LAMP5: variants seen among roughly 807,000 people sequenced by gnomAD.
The protein encoded by LAMP5 is lysosome-associated membrane glycoprotein 5.
Under a neutral mutation model 30.2 loss-of-function variants are expected in LAMP5, and 36 were observed. That is an observed-to-expected ratio of 1.19 (90% CI 0.91 to 1.57). The LOEUF (loss-of-function observed/expected upper bound fraction) is 1.57. Among genes scored for constraint, LAMP5 ranks in the 40% most tolerant of loss-of-function variants. The pLI, the probability that LAMP5 is intolerant of heterozygous loss-of-function variation, is 0.00. For missense variants in LAMP5, 377 were observed against 354.9 expected, an observed-to-expected ratio of 1.06 and a Z score of -0.50; for synonymous variants, 149 against 134.6, an observed-to-expected ratio of 1.11 and a Z score of -0.74.
rs1457610839 is a variant in LAMP5, at chr20:9,515,484, A to G, written c.96A>G (p.Glu32=). 2 of 1,614,170 alleles carry G rather than the reference A, an allele frequency of 1.2e-6. No homozygotes were observed. Among genetic ancestry groups the G allele is most frequent in the Non-Finnish European group, 1.7e-6 (2 of 1,180,016 alleles). The change falls in exon 2 of 6, where the codon GAA becomes GAG. Residue 32 remains glutamate (E), a synonymous_variant. Coordinates refer to ENST00000246070, the MANE Select transcript of LAMP5 (RefSeq NM_012261.4). Reference sequence around the variant, plus strand: ...TGGCTCAAATCATGGCAGAACAAGAAGTGGAAAATCTCTCAGGCCTTTCCA... The same window carrying G: ...TGGCTCAAATCATGGCAGAACAAGAGGTGGAAAATCTCTCAGGCCTTTCCA... ...HTMAQIMAEQ[E]VENLSGLSTN...
At chr20:9,527,804 T>C (rs370373045) in intron 5 of LAMP5, among the ~76,000 whole-genome samples, 6 of 152,224 alleles carry the variant, frequency 3.9e-5, no homozygotes, top group African/African-American at 1.4e-4. Flanking sequence ...GGTGGTTCTA[T>C]GTAAAAAAAT....
rs142852865 is a variant in LAMP5 at position 9,514,896 on chromosome 20, G to C, written c.44G>C (p.Arg15Pro). 3.1e-6 allele frequency: 5 copies of C among 1,614,080 alleles called. No individual in the cohort carries two copies. The African/African-American group carries it at 6.7e-5, about 22-fold the overall frequency. The change falls in exon 1 of 6, where the codon CGA (arginine) becomes CCA (proline). Residue 15 changes from arginine (R) to proline (P), a missense_variant. By Grantham distance (103) the Arg-to-Pro change is moderately radical (BLOSUM62 -2). Transcript: ENST00000246070. Reference protein sequence around the residue: ...GRGVPSIDRLRVLLMLFHTMA... With the variant: ...GRGVPSIDRLPVLLMLFHTMA... ...GGGGTCCCCAGCATCGACAGACTTC[G>C]AGTTCTCCTGATGTTGTTCCGTGAG...
chr20:9,518,377 A>G (rs574798379), intron 5 of LAMP5, 149 bp downstream of exon 5: 8 of 663,896 alleles, frequency 1.2e-5, no homozygotes, highest in Non-Finnish European at 2.0e-5. Context: ...TTCAAAGACT[A>G]AAAAAGCAGT....
intron 3 of LAMP5, 46 bp downstream of exon 3, chr20:9,516,177 G>A: frequency 6.3e-7 from 1 of 1,597,654 alleles, no homozygotes; most frequent in Non-Finnish European, 8.5e-7. Flanking sequence ...CTCCGCGTGG[G>A]TGTGGGAAGT....
At chr20:9,515,400 G>A in intron 1 of LAMP5, 53 bp from the exon 2 acceptor site, 3 of 1,552,936 alleles carry the variant, frequency 1.9e-6, no homozygotes, top group South Asian at 1.2e-5. Flanking sequence ...CCTAGCGCCC[G>A]AGACGCGTGG....
At chr20:9,524,854 C>A (rs1385835714) in intron 5 of LAMP5, among the ~76,000 whole-genome samples, 3 of 152,152 alleles carry the variant, frequency 2.0e-5, no homozygotes. Context: ...TCAGGTTTTG[C>A]TGCCAAACAA....
chr20:9,526,848 A>G (rs956569094), intron 5 of LAMP5, among the ~76,000 whole-genome samples: 24 of 108,336 alleles, frequency 2.2e-4, no homozygotes, highest in South Asian at 6.2e-4. Context: ...ACATATACAT[A>G]TGTGTGTGTG....
chr20:9,525,301 G>A lies in LAMP5; in HGVS notation c.665-4341G>A, dbSNP rs141209272. ...AAAGAAGTACACAGAAGACTTAAAT[G>A]TATAAGACTTCTATCTTTATAGTGA... On this transcript the variant is annotated intron_variant, in intron 5 of 5. Transcript: ENST00000246070. Among the ~76,000 whole-genome samples, 992 of 152,296 alleles carry A rather than the reference G, an allele frequency of 6.5e-3. 6 individuals carry two copies. The highest frequency in any genetic ancestry group is 0.023 in the African/African-American group (938 of 41,564).
chr20:9,520,756 C>A (rs1316181254), intron 5 of LAMP5, among the ~76,000 whole-genome samples: 1 of 152,118 alleles, frequency 6.6e-6, no homozygotes, highest in Non-Finnish European at 1.5e-5. Flanking sequence ...AAGGTAGTGT[C>A]CACGAAGTCG....
At chr20:9,528,501 A>C (rs1187667333) in intron 5 of LAMP5, among the ~76,000 whole-genome samples, 5 of 152,216 alleles carry the variant, frequency 3.3e-5, no homozygotes, top group African/African-American at 9.6e-5. Context: ...CATTGTTTAC[A>C]CATAGAAATG....
chr20:9,514,760 T>C lies in LAMP5; in HGVS notation c.-93T>C. 1 of 1,131,662 alleles carries C rather than the reference T, an allele frequency of 8.8e-7. No individual in the cohort carries two copies. The highest frequency in any genetic ancestry group is 1.3e-6 in the Non-Finnish European group (1 of 759,962). 70.1% of individuals were successfully genotyped at this position (1,131,662 alleles called of 1,614,324 possible). A position where few individuals can be genotyped will look rare whatever the true frequency, so the allele number is the denominator to read the frequency against. On this transcript the variant is annotated 5_prime_UTR_variant, in exon 1 of 6. Transcript: ENST00000246070. Reference sequence around the variant, plus strand: ...CCCTTCTCTGTCCCCCGCCTCTCGCTCACCCCGGCCCACTCCAGCGGCGAC... The same window carrying C: ...CCCTTCTCTGTCCCCCGCCTCTCGCCCACCCCGGCCCACTCCAGCGGCGAC...
chr20:9,524,604 A>AAAC, intron 5 of LAMP5, among the ~76,000 whole-genome samples: 1 of 149,766 alleles, frequency 6.7e-6, no homozygotes, highest in East Asian at 1.9e-4. Flanking sequence ...CTAAAAAAAA[A>AAAC]AAAAAAAAAA....
chr20:9,516,298 C>T lies in LAMP5; in HGVS notation c.412C>T (p.Leu138=). 1.2e-6 allele frequency: 2 copies of T among 1,614,150 alleles called. No individual in the cohort carries two copies. The highest frequency in any genetic ancestry group is 1.7e-6 in the Non-Finnish European group (2 of 1,180,044). The change falls in exon 4 of 6, where the codon CTG becomes TTG. Residue 138 remains leucine, a synonymous_variant. Transcript: ENST00000246070. The part of the protein sequence containing the change: ...MSKGPEATWR[L]SKVQFVYDSS... ...CAAGGGACCTGAGGCGACTTGGAGG[C>T]TGAGCAAAGTGCAGTTTGTCTACGA...
At chr20:9,522,940 C>G (rs1160334982) in intron 5 of LAMP5, among the ~76,000 whole-genome samples, 1 of 143,096 alleles carries the variant, frequency 7.0e-6, no homozygotes, top group Admixed American at 6.9e-5. Flanking sequence ...AATACTTGCA[C>G]TTATAATTTT....
chr20:9,524,609 A>AAAC (rs1555891698), intron 5 of LAMP5, among the ~76,000 whole-genome samples: 1 of 149,860 alleles, frequency 6.7e-6, no homozygotes, highest in African/African-American at 2.5e-5. Context: ...AAAAAAAAAA[A>AAAC]AAAAAAACAA....
chr20:9,529,397 T>C (rs1385886466), intron 5 of LAMP5, among the ~76,000 whole-genome samples: 2 of 152,266 alleles, frequency 1.3e-5, no homozygotes, highest in Non-Finnish European at 2.9e-5. Flanking sequence ...CTGGATGTTT[T>C]GTTGACATCT....
At position 9,514,643 on chromosome 20, in the gene LAMP5, A is replaced by G. The variant is rs1006457832; in HGVS notation, c.-210A>G. 1.4e-5 allele frequency: 7 copies of G among 490,072 alleles called. No homozygotes were observed. Among genetic ancestry groups the G allele is most frequent in the African/African-American group, 1.4e-4 (7 of 50,012 alleles). The allele number at this position is 490,072 out of a possible 1,614,324, so 30.4% of individuals were successfully genotyped here. A position where few individuals can be genotyped will look rare whatever the true frequency, so the allele number is the denominator to read the frequency against. The stretch of plus-strand genomic sequence containing the variant: ...ACCGCCGTGCGGTCCTTTCCTCCGC[A>G]GTGAGCCGATTTGCTCTGCCAGCAG... On this transcript the variant is annotated 5_prime_UTR_variant, in exon 1 of 6. Coordinates refer to ENST00000246070, the MANE Select transcript of LAMP5 (RefSeq NM_012261.4).
intron 5 of LAMP5, among the ~76,000 whole-genome samples, chr20:9,527,410 A>G (rs758052314): frequency 6.6e-5 from 10 of 151,578 alleles, no homozygotes; most frequent in Non-Finnish European, 1.2e-4. Flanking sequence ...TGTCAAGTAT[A>G]CAGCTATCAA....
In LAMP5 at chr20:9,526,505, T is replaced by G. The variant is rs186158243; in HGVS notation, c.665-3137T>G. The stretch of plus-strand genomic sequence containing the variant: ...TTAAAGAGGCAATATGGTATCATAC[T>G]GGCGAAGAAGACCGCCATGCTGGCA... On this transcript the variant is annotated intron_variant, in intron 5 of 5. Coordinates refer to ENST00000246070, the MANE Select transcript of LAMP5 (RefSeq NM_012261.4). Among the ~76,000 whole-genome samples, 609 of 152,316 alleles carry G rather than the reference T, an allele frequency of 4.0e-3. 4 individuals are homozygous for G. Among genetic ancestry groups the G allele is most frequent in the African/African-American group, 0.014 (587 of 41,582 alleles).
Sources: allele counts gnomAD v4.1 joint callset (sites outside exome capture counted in the v4.1 genomes callset), GRCh38; gene constraint gnomAD v4.1.1; transcripts MANE v1.5; gene names NCBI Gene and HGNC (gene_info 2026-07-23, HGNC 2026-07-21).